The following RREB1 variants were observed in gnomAD, a reference collection of about 807,000 sequenced individuals.
The protein encoded by RREB1 is ras-responsive element-binding protein 1.
Under a neutral mutation model 117.8 loss-of-function variants are expected in RREB1, and 27 were observed. The ratio of observed to expected loss-of-function variants is 0.23; its 90% confidence interval spans 0.17 to 0.32. The LOEUF is 0.32. RREB1 is among the 10% of genes least tolerant of loss of function. The pLI is 1.00. For missense variants in RREB1, 2,577 were observed against 2,378.2 expected, an observed-to-expected ratio of 1.08 and a Z score of -1.74; for synonymous variants, 1,298 against 1,026.7, an observed-to-expected ratio of 1.26 and a Z score of -5.05.
At position 7,229,036 on chromosome 6, in the gene RREB1, C is replaced by A; in HGVS notation, c.937C>A (p.Gln313Lys). ...ETNLRRCISE[Q>K]HRFVCDTCDK... is the part of the protein sequence containing the mutation. ...AAACCTGCGGAGGTGCATCAGCGAG[C>A]AACACCGTTTTGTCTGCGACACCTG... Residue 313 changes from glutamine (Q) to lysine (K), a missense_variant, in exon 10 of 13, where the codon CAA becomes AAA. Coordinates refer to ENST00000379938, the MANE Select transcript of RREB1 (RefSeq NM_001003699.4). This position sits in a 1 kb window ranked among gnomAD's most constrained non-coding sequence, Gnocchi z 4.5. The A allele has an allele frequency of 6.5e-7, 1 of 1,545,400 alleles. No homozygotes were observed.
In RREB1 at chr6:7,229,973, C is replaced by T. The variant is rs776628739; in HGVS notation, c.1874C>T (p.Ala625Val). The part of the protein sequence containing the change: ...KQEITEGELK[A>V]FMTAPGGKKT... ...GAGATCACAGAGGGGGAACTCAAGGCCTTCATGACAGCGCCCGGCGGCAAG... is the reference window on the plus strand; with the variant it reads ...GAGATCACAGAGGGGGAACTCAAGGTCTTCATGACAGCGCCCGGCGGCAAG... Residue 625 changes from alanine (A) to valine (V), a missense_variant, in exon 10 of 13, where the codon GCC becomes GTC. Ala to Val is a moderately conservative substitution (Grantham distance 64, BLOSUM62 0). Transcript: ENST00000379938. This position sits in a 1 kb window ranked among gnomAD's most constrained non-coding sequence, Gnocchi z 4.5. 1.0e-5 allele frequency: 16 copies of T among 1,605,594 alleles called. No homozygotes were observed. In the South Asian group the frequency reaches 1.7e-4, roughly 17 times the overall value.
Position 7,181,166 on chromosome 6 carries a change from C to G in RREB1, c.-123C>G, listed in dbSNP as rs1764774988. The G allele has an allele frequency of 7.5e-6, 3 of 398,536 alleles. No homozygotes were observed. The South Asian group carries it at 3.8e-4, about 51-fold the overall frequency. The allele number at this position is 398,536 out of a possible 1,614,324, so 24.7% of individuals were successfully genotyped here. On this transcript the variant is annotated 5_prime_UTR_variant, in exon 3 of 13. Coordinates refer to ENST00000379938, the MANE Select transcript of RREB1 (RefSeq NM_001003699.4). ...AAGAGAAGAAGACAAGAGGTCAACA[C>G]AGACTCATTTTCTACTCCGTGTGAA...
intron 1 of RREB1, among the ~76,000 whole-genome samples, chr6:7,143,853 T>C (rs1762741623): frequency 2.1e-4 from 1 of 4,748 alleles, no homozygotes; most frequent in African/African-American, 4.7e-4. Flanking sequence ...TTTTCTTTCT[T>C]TTTTTTTTTT....
chr6:7,192,803 A>G (rs541731609), intron 6 of RREB1, among the ~76,000 whole-genome samples: 1 of 152,162 alleles, frequency 6.6e-6, no homozygotes, highest in South Asian at 2.1e-4. Context: ...ACTGTTCTAA[A>G]CATTATTATT....
At chr6:7,150,489 G>C (rs1044827222) in intron 1 of RREB1, among the ~76,000 whole-genome samples, 2 of 152,192 alleles carry the variant, frequency 1.3e-5, no homozygotes, top group Admixed American at 1.3e-4. Flanking sequence ...CTATAGTTGT[G>C]CATATGCATG....
At position 7,108,013 on chromosome 6, in the gene RREB1, A is replaced by G. The variant is rs1230965974; in HGVS notation, c.-332A>G. 1.3e-5 allele frequency: 2 copies of G among 152,212 alleles called. No homozygotes were observed. The highest frequency in any genetic ancestry group is 1.3e-4 in the Admixed American group (2 of 15,286). 9.4% of individuals were successfully genotyped at this position (152,212 alleles called of 1,614,324 possible). ...TCTCCTCGGTCTCTCCCTGAAGCCC[A>G]CCGGTCCCCAACGCATCATGCCAGG... is the stretch of plus-strand genomic sequence containing the variant. On this transcript the variant is annotated 5_prime_UTR_variant, in exon 1 of 13. Coordinates refer to ENST00000379938, the MANE Select transcript of RREB1 (RefSeq NM_001003699.4).
chr6:7,141,277 C>G (rs1173063091), intron 1 of RREB1, among the ~76,000 whole-genome samples: 5 of 152,194 alleles, frequency 3.3e-5, no homozygotes, highest in Non-Finnish European at 7.3e-5. Flanking sequence ...TGGCGTTCCC[C>G]CGTGAGTAGA....
chr6:7,119,620 G>A (rs1761577671), intron 1 of RREB1, among the ~76,000 whole-genome samples: 1 of 152,216 alleles, frequency 6.6e-6, no homozygotes, highest in South Asian at 2.1e-4. Context: ...CACAGTGTTT[G>A]GAGGAAGACA....
At chr6:7,116,187 A>G (rs1761389627) in intron 1 of RREB1, among the ~76,000 whole-genome samples, 1 of 152,206 alleles carries the variant, frequency 6.6e-6, no homozygotes, top group Non-Finnish European at 1.5e-5. Flanking sequence ...AACTTGGCAT[A>G]CAAGGAACTT....
chr6:7,232,534 A>G lies in RREB1; in HGVS notation c.3808+627A>G, dbSNP rs1304670204. Among the ~76,000 whole-genome samples the G allele has an allele frequency of 4.6e-5, 7 of 152,142 alleles. No individual in the cohort carries two copies. In the East Asian group the frequency reaches 5.8e-4, roughly 13 times the overall value. ...TTTTAAAATTTCTGTTTATACTACA[A>G]TTGTAAGCCTTTCTGAGAAACTTCT... On this transcript the variant is annotated intron_variant, in intron 10 of 12. Transcript: ENST00000379938.
intron 10 of RREB1, among the ~76,000 whole-genome samples, chr6:7,234,617 T>C (rs1190802432): frequency 6.6e-6 from 1 of 152,248 alleles, no homozygotes; most frequent in African/African-American, 2.4e-5. Context: ...ACATTCTGCC[T>C]CTTGTCCCTT....
At chr6:7,175,867 G>T (rs573500053) in intron 1 of RREB1, among the ~76,000 whole-genome samples, 2 of 152,350 alleles carry the variant, frequency 1.3e-5, no homozygotes, top group Admixed American at 6.5e-5. Flanking sequence ...ACACCTGCGA[G>T]AGGATGTAAT....
chr6:7,246,862 G>A lies in RREB1; in HGVS notation c.4412G>A (p.Gly1471Asp), dbSNP rs922171943. The A allele has an allele frequency of 1.5e-5, 24 of 1,552,470 alleles. No homozygotes were observed. In the African/African-American group the frequency reaches 1.9e-4, roughly 12 times the overall value. ...CTGAGCCGCCACCGGAAGGCGCACGGCCGCCAGGAGCCCAAGGACGAGAAG... is the reference window on the plus strand; with the variant it reads ...CTGAGCCGCCACCGGAAGGCGCACGACCGCCAGGAGCCCAAGGACGAGAAG... ...GTLSRHRKAH[G>D]RQEPKDEKGD... Residue 1471 changes from glycine (G) to aspartate (D), a missense_variant, in exon 12 of 13, where the codon GGC becomes GAC. By Grantham distance (94) the Gly-to-Asp change is moderately conservative. Coordinates refer to ENST00000379938, the MANE Select transcript of RREB1 (RefSeq NM_001003699.4).
At chr6:7,231,954 A>AG in intron 10 of RREB1, 47 bp downstream of exon 10, 2 of 1,518,826 alleles carry the variant, frequency 1.3e-6, no homozygotes, top group Non-Finnish European at 1.8e-6. Flanking sequence ...ACTTCCTGGT[A>AG]GGGGGAGCCA....
At chr6:7,141,603 C>T (rs1227780008) in intron 1 of RREB1, among the ~76,000 whole-genome samples, 2 of 152,214 alleles carry the variant, frequency 1.3e-5, no homozygotes, top group African/African-American at 4.8e-5. Context: ...CCCATTGAAA[C>T]ATTTGGCTTC....
intron 1 of RREB1, among the ~76,000 whole-genome samples, chr6:7,159,179 T>C (rs1358004110): frequency 4.6e-5 from 7 of 152,208 alleles, no homozygotes; most frequent in Non-Finnish European, 7.3e-5. Context: ...CTCTTACTTA[T>C]TGCAAAACAA....
At chr6:7,128,999 CATT>C (rs1361920553) in intron 1 of RREB1, among the ~76,000 whole-genome samples, 1 of 152,140 alleles carries the variant, frequency 6.6e-6, no homozygotes, top group Non-Finnish European at 1.5e-5. Context: ...GAGCTTAACA[CATT>C]ATTTGAATAC....
intron 1 of RREB1, among the ~76,000 whole-genome samples, chr6:7,176,331 T>C (rs1401065587): frequency 6.6e-6 from 1 of 152,216 alleles, no homozygotes; most frequent in African/African-American, 2.4e-5. Context: ...GCTGTGAACA[T>C]GCCATTAGGA....
At chr6:7,115,568 T>C (rs1343232028) in intron 1 of RREB1, among the ~76,000 whole-genome samples, 3 of 152,204 alleles carry the variant, frequency 2.0e-5, no homozygotes, top group Non-Finnish European at 2.9e-5. Context: ...CAGTGTCCCA[T>C]TGGTGTCAGT....
Sources: allele counts gnomAD v4.1 joint callset (sites outside exome capture counted in the v4.1 genomes callset), GRCh38; gene constraint gnomAD v4.1.1; non-coding constraint Gnocchi (gnomAD v3.1); transcripts MANE v1.5; gene names NCBI Gene and HGNC (gene_info 2026-07-23, HGNC 2026-07-21).